Variants in FUT8 observed in about 807,000 individuals in gnomAD.
FUT8 encodes the protein alpha-(1,6)-fucosyltransferase.
A neutral mutation model predicts 71.3 loss-of-function variants in FUT8; 29 were observed. That is an observed-to-expected ratio of 0.41 (90% CI 0.30 to 0.55). The LOEUF (loss-of-function observed/expected upper bound fraction) is 0.55, where lower values mean the gene tolerates loss of function less well. Ranked by LOEUF, FUT8 falls within the 20% of genes least tolerant of loss-of-function variation. The pLI, the probability that FUT8 is intolerant of heterozygous loss-of-function variation, is 0.34. For synonymous variants in FUT8, 254 were observed against 239.3 expected (o/e 1.06, Z -0.57); for missense variants, 544 against 702.1 (o/e 0.77, Z 2.55).
intron 7 of FUT8, among the ~76,000 whole-genome samples, chr14:65,691,396 G>A (rs1171339597): frequency 6.6e-6 from 1 of 151,150 alleles, no homozygotes; most frequent in Non-Finnish European, 1.5e-5. Flanking sequence ...TAGGCTGTTT[G>A]TAGATGTTCT....
chr14:65,455,555 A>T (rs1197598707), intron 1 of FUT8, 66 bp from the exon 2 acceptor site: 1 of 397,346 alleles, frequency 2.5e-6, no homozygotes, highest in Non-Finnish European at 4.4e-6. Context: ...TATTTAAAAA[A>T]TTATATAATA....
In FUT8 at chr14:65,643,486, C is replaced by T. The variant is rs1025914580; in HGVS notation, c.597+13880C>T. Among the ~76,000 whole-genome samples the T allele has an allele frequency of 6.6e-6, 1 of 151,998 alleles. No homozygotes were observed. The highest frequency in any genetic ancestry group is 2.4e-5 in the African/African-American group (1 of 41,376). Reference sequence around the variant, plus strand: ...TGGCTAACATGGTGAAACCCTGTCTCTACTAAAAATACAAAAGATTAGCCG... The same window carrying T: ...TGGCTAACATGGTGAAACCCTGTCTTTACTAAAAATACAAAAGATTAGCCG... On this transcript the variant is annotated intron_variant, in intron 6 of 10. Transcript: ENST00000673929. This position sits in a 1 kb window ranked among gnomAD's most constrained non-coding sequence, Gnocchi z 4.5.
the FUT8 span, among the ~76,000 whole-genome samples, chr14:65,373,401 C>T: frequency 6.6e-6 from 1 of 151,338 alleles, no homozygotes; most frequent in East Asian, 2.0e-4. Flanking sequence ...AGTGGCACGG[C>T]AGAGATGGAG....
chr14:65,453,965 C>T (rs1430236650), intron 1 of FUT8, among the ~76,000 whole-genome samples: 1 of 152,096 alleles, frequency 6.6e-6, no homozygotes. Flanking sequence ...GAACATGTCT[C>T]TAGGCAGAAA....
At chr14:65,368,614 C>CT in the FUT8 span, among the ~76,000 whole-genome samples, 1 of 132,642 alleles carries the variant, frequency 7.5e-6, no homozygotes, top group Non-Finnish European at 1.6e-5. Flanking sequence ...CTCCGCCTTC[C>CT]GGGTTCACGC....
intron 7 of FUT8, among the ~76,000 whole-genome samples, chr14:65,712,912 A>G (rs996985141): frequency 6.6e-6 from 1 of 152,198 alleles, no homozygotes; most frequent in Non-Finnish European, 1.5e-5. Context: ...GTTACAAACA[A>G]TCCAATTATA....
intron 2 of FUT8, among the ~76,000 whole-genome samples, chr14:65,558,519 A>C (rs1448612958): frequency 1.3e-5 from 2 of 152,160 alleles, no homozygotes; most frequent in African/African-American, 4.8e-5. Flanking sequence ...GTAGGGCATA[A>C]ATGCAGTTTA....
chr14:65,644,162 C>T (rs1891003827), intron 6 of FUT8, among the ~76,000 whole-genome samples: 2 of 152,112 alleles, frequency 1.3e-5, no homozygotes, highest in African/African-American at 2.4e-5. Flanking sequence ...AATACGTAGG[C>T]TCTTGAGCAG....
chr14:65,682,434 G>A lies in FUT8; in HGVS notation c.835+12954G>A, dbSNP rs573526760. On this transcript the variant is annotated intron_variant, in intron 7 of 10. Coordinates refer to ENST00000673929, the MANE Select transcript of FUT8 (RefSeq NM_001371533.1). The stretch of plus-strand genomic sequence containing the variant: ...GAGGTAGGATTGCATGAGCCCAGGA[G>A]TCCAAAGCTACAGTGAACTAGGATC... Among the ~76,000 whole-genome samples the A allele has an allele frequency of 1.2e-4, 18 of 152,078 alleles. 1 individual carries two copies. In the South Asian group the frequency reaches 3.7e-3, roughly 32 times the overall value.
chr14:65,444,865 A>G (rs2065714973), intron 1 of FUT8, among the ~76,000 whole-genome samples: 1 of 152,114 alleles, frequency 6.6e-6, no homozygotes, highest in South Asian at 2.1e-4. Flanking sequence ...AGGTGTATGT[A>G]TTGGTTCATA....
At chr14:65,571,004 A>T (rs2140079298) in intron 3 of FUT8, among the ~76,000 whole-genome samples, 1 of 152,072 alleles carries the variant, frequency 6.6e-6, no homozygotes, top group Non-Finnish European at 1.5e-5. Flanking sequence ...CTCACTTCTG[A>T]TTTCTGTATA....
chr14:65,655,542 A>C lies in FUT8; in HGVS notation c.598-13701A>C, dbSNP rs76212011. 6.8e-3 allele frequency among the ~76,000 whole-genome samples: 1,030 copies of C among 152,224 alleles called. 15 individuals carry two copies. Among genetic ancestry groups the C allele is most frequent in the African/African-American group, 0.023 (962 of 41,530 alleles). ...AGACAGAATAGACTTCAGAGCAAAGAAAACTAGCAGAGACAAAGGAAGATA... is the reference window on the plus strand; with the variant it reads ...AGACAGAATAGACTTCAGAGCAAAGCAAACTAGCAGAGACAAAGGAAGATA... On this transcript the variant is annotated intron_variant, in intron 6 of 10. Coordinates refer to ENST00000673929, the MANE Select transcript of FUT8 (RefSeq NM_001371533.1).
intron 2 of FUT8, among the ~76,000 whole-genome samples, chr14:65,511,974 G>A (rs1347773766): frequency 4.6e-5 from 7 of 151,148 alleles, no homozygotes; most frequent in African/African-American, 7.3e-5. Flanking sequence ...CTTCCCTTAC[G>A]TCTTTCTTTC....
At chr14:65,431,221 C>G (rs2065468687) in intron 1 of FUT8, among the ~76,000 whole-genome samples, 1 of 144,924 alleles carries the variant, frequency 6.9e-6, no homozygotes, top group Non-Finnish European at 1.5e-5. Flanking sequence ...AGGCTGGTCT[C>G]AAACTCCCAA....
the FUT8 span, among the ~76,000 whole-genome samples, chr14:65,401,871 T>TGGG: frequency 7.5e-6 from 1 of 133,540 alleles, no homozygotes; most frequent in Non-Finnish European, 1.5e-5. Flanking sequence ...CCCTCCAGCC[T>TGGG]GGGTGACAGA....
intron 2 of FUT8, among the ~76,000 whole-genome samples, chr14:65,493,268 T>G (rs1430737724): frequency 6.6e-6 from 1 of 152,130 alleles, no homozygotes; most frequent in Non-Finnish European, 1.5e-5. Context: ...CTTGACGGCT[T>G]TTTATAGTGA....
At chr14:65,423,267 T>C (rs1466195179) in intron 1 of FUT8, among the ~76,000 whole-genome samples, 7 of 148,376 alleles carry the variant, frequency 4.7e-5, no homozygotes, top group Middle Eastern at 3.5e-3. Context: ...TTCTTTCTTT[T>C]TTTTTTTTTT....
intron 3 of FUT8, among the ~76,000 whole-genome samples, chr14:65,615,419 A>G (rs1889229089): frequency 6.6e-6 from 1 of 152,052 alleles, no homozygotes; most frequent in Non-Finnish European, 1.5e-5. Context: ...ATTTTTTTCT[A>G]ATATGTTTTA....
intron 7 of FUT8, among the ~76,000 whole-genome samples, chr14:65,690,065 CCT>C (rs922061352): frequency 5.3e-5 from 8 of 151,924 alleles, no homozygotes; most frequent in African/African-American, 1.9e-4. Context: ...GATTCTATAC[CCT>C]GTTTTTGTTT....
Sources: allele counts gnomAD v4.1 joint callset (sites outside exome capture counted in the v4.1 genomes callset), GRCh38; gene constraint gnomAD v4.1.1; non-coding constraint Gnocchi (gnomAD v3.1); transcripts MANE v1.5; gene names NCBI Gene and HGNC (gene_info 2026-07-23, HGNC 2026-07-21).